Variants in LRMDA observed in about 807,000 individuals in gnomAD.
LRMDA encodes the protein leucine-rich melanocyte differentiation-associated protein.
Under a neutral mutation model 29.8 loss-of-function variants are expected in LRMDA, and 18 were observed. The ratio of observed to expected loss-of-function variants is 0.60; its 90% confidence interval spans 0.42 to 0.90. The LOEUF is 0.90. Among genes scored for constraint, LRMDA ranks in the 40% least tolerant of loss-of-function variants. LRMDA has a pLI of 0.00. For synonymous variants in LRMDA, 125 were observed against 109.4 expected (o/e 1.14, Z -0.89); for missense variants, 273 against 273.9 (o/e 1.00, Z 0.02).
intron 2 of LRMDA, among the ~76,000 whole-genome samples, chr10:75,520,323 CAT>C (rs1235182693): frequency 6.6e-6 from 1 of 152,198 alleles, no homozygotes; most frequent in Non-Finnish European, 1.5e-5. Flanking sequence ...ACCCATCAAA[CAT>C]AGATTTGGTC....
chr10:75,954,646 C>A (rs1397460510), intron 2 of LRMDA, among the ~76,000 whole-genome samples: 1 of 152,136 alleles, frequency 6.6e-6, no homozygotes, highest in Non-Finnish European at 1.5e-5. Context: ...AACCACTGAA[C>A]GGCCATTTGA....
At chr10:76,262,880 G>A (rs566294347) in intron 5 of LRMDA, among the ~76,000 whole-genome samples, 65 of 152,346 alleles carry the variant, frequency 4.3e-4, no homozygotes, top group African/African-American at 1.5e-3. Context: ...GACTGCTGCT[G>A]TGTCTGATTG....
intron 6 of LRMDA, among the ~76,000 whole-genome samples, chr10:76,440,867 A>G (rs1467442459): frequency 2.6e-5 from 4 of 152,154 alleles, no homozygotes; most frequent in Admixed American, 2.6e-4. Context: ...TGTACCGCAT[A>G]TGCCACCCCA....
At chr10:75,448,823 A>T (rs1420658232) in intron 2 of LRMDA, among the ~76,000 whole-genome samples, 7 of 152,350 alleles carry the variant, frequency 4.6e-5, no homozygotes, top group Non-Finnish European at 8.8e-5. Flanking sequence ...TCTCCAAAGG[A>T]GTCCAGGGAC....
At position 76,243,526 on chromosome 10, in the gene LRMDA, C is replaced by T. The variant is rs74993288; in HGVS notation, c.517-80875C>T. 4.0e-3 allele frequency among the ~76,000 whole-genome samples: 610 copies of T among 152,168 alleles called. 5 individuals are homozygous for T. Among genetic ancestry groups the T allele is most frequent in the African/African-American group, 0.014 (563 of 41,518 alleles). ...CATTTGATGTTTAGAAGCAATGGCACGGTATTTAAGGCAGTTCTCCCTGTT... is the reference window on the plus strand; with the variant it reads ...CATTTGATGTTTAGAAGCAATGGCATGGTATTTAAGGCAGTTCTCCCTGTT... On this transcript the variant is annotated intron_variant, in intron 5 of 6. Coordinates refer to ENST00000611255, the MANE Select transcript of LRMDA (RefSeq NM_001305581.2).
chr10:75,909,353 G>C (rs907302075), intron 2 of LRMDA, among the ~76,000 whole-genome samples: 1 of 152,126 alleles, frequency 6.6e-6, no homozygotes, highest in African/African-American at 2.4e-5. Flanking sequence ...AAAATCTGAA[G>C]GGCCTTTAGT....
At chr10:76,285,134 T>C (rs1840255829) in intron 5 of LRMDA, among the ~76,000 whole-genome samples, 1 of 152,194 alleles carries the variant, frequency 6.6e-6, no homozygotes, top group South Asian at 2.1e-4. Flanking sequence ...GTATGGTATA[T>C]GGTATGCAGT....
At chr10:76,062,654 CTCTGTGTGTGTG>C (rs1231579773) in intron 5 of LRMDA, among the ~76,000 whole-genome samples, 18 of 136,432 alleles carry the variant, frequency 1.3e-4, no homozygotes, top group African/African-American at 3.5e-4. Context: ...GACTTTATCT[CTCTGTGTGTGTG>C]TGTGTGTGTG....
rs529400924 is a variant in LRMDA at position 76,526,839 on chromosome 10, G to A, written c.602-30370G>A. Among the ~76,000 whole-genome samples the A allele has an allele frequency of 2.9e-5, 3 of 103,154 alleles. No individual in the cohort carries two copies. In the South Asian group the frequency reaches 1.3e-3, roughly 45 times the overall value. The allele number at this position is 103,154 out of a possible 152,430, so 67.7% of individuals were successfully genotyped here. A position where few individuals can be genotyped will look rare whatever the true frequency, so the allele number is the denominator to read the frequency against. On this transcript the variant is annotated intron_variant, in intron 6 of 6. Coordinates refer to ENST00000611255, the MANE Select transcript of LRMDA (RefSeq NM_001305581.2). ...CACTCTGGGGACTGTTGTGGGGTGG[G>A]GGGAGGGGGGAGGGATAGATTGGGA... is the stretch of plus-strand genomic sequence containing the variant.
chr10:75,659,874 G>A (rs1264069339), intron 2 of LRMDA, among the ~76,000 whole-genome samples: 2 of 152,012 alleles, frequency 1.3e-5, no homozygotes, highest in Non-Finnish European at 2.9e-5. Context: ...TCAACAAAGA[G>A]GGAGAAAACC....
chr10:75,617,803 G>A (rs1297748475), intron 2 of LRMDA, among the ~76,000 whole-genome samples: 1 of 152,138 alleles, frequency 6.6e-6, no homozygotes, highest in Non-Finnish European at 1.5e-5. Context: ...CCTCCATAAA[G>A]CCTCACACCA....
chr10:75,898,261 A>G (rs1845616561), intron 2 of LRMDA, among the ~76,000 whole-genome samples: 1 of 152,248 alleles, frequency 6.6e-6, no homozygotes, highest in Non-Finnish European at 1.5e-5. Flanking sequence ...AAAAAGAAGG[A>G]ATCCATTAGA....
intron 6 of LRMDA, among the ~76,000 whole-genome samples, chr10:76,371,643 G>T (rs932504793): frequency 1.3e-5 from 2 of 152,058 alleles, no homozygotes; most frequent in Non-Finnish European, 2.9e-5. Context: ...GCATCTTCTG[G>T]CACCATCAAG....
chr10:75,804,317 G>A (rs1843809795), intron 2 of LRMDA, among the ~76,000 whole-genome samples: 1 of 152,174 alleles, frequency 6.6e-6, no homozygotes, highest in Admixed American at 6.5e-5. Flanking sequence ...GGACTTGAGC[G>A]ATGGAGTCGA....
intron 2 of LRMDA, among the ~76,000 whole-genome samples, chr10:76,032,383 A>C (rs765827540): frequency 2.0e-5 from 3 of 152,204 alleles, no homozygotes; most frequent in Non-Finnish European, 4.4e-5. Flanking sequence ...GCAGAGTGTG[A>C]GCCACAGGCG....
intron 2 of LRMDA, among the ~76,000 whole-genome samples, chr10:75,511,030 G>A (rs1845219809): frequency 6.6e-6 from 1 of 152,148 alleles, no homozygotes; most frequent in Non-Finnish European, 1.5e-5. Context: ...TTTGGGAAGA[G>A]CCTCACCTTT....
At chr10:75,622,114 T>C (rs1363175053) in intron 2 of LRMDA, among the ~76,000 whole-genome samples, 2 of 152,184 alleles carry the variant, frequency 1.3e-5, no homozygotes, top group Non-Finnish European at 2.9e-5. Flanking sequence ...AGTGAATAAA[T>C]TGGCTGAAAA....
At chr10:75,567,775 C>G (rs1336817106) in intron 2 of LRMDA, among the ~76,000 whole-genome samples, 1 of 152,066 alleles carries the variant, frequency 6.6e-6, no homozygotes, top group African/African-American at 2.4e-5. Flanking sequence ...GAATCATGAT[C>G]CCCCAGTATT....
intron 6 of LRMDA, among the ~76,000 whole-genome samples, chr10:76,336,729 G>C (rs1380084798): frequency 6.6e-6 from 1 of 152,166 alleles, no homozygotes; most frequent in African/African-American, 2.4e-5. Context: ...ATCTGTGTGA[G>C]AGCAATAAAA....
Sources: allele counts gnomAD v4.1 joint callset (sites outside exome capture counted in the v4.1 genomes callset), GRCh38; gene constraint gnomAD v4.1.1; transcripts MANE v1.5; gene names NCBI Gene and HGNC (gene_info 2026-07-23, HGNC 2026-07-21).